SPIN1: variants seen among roughly 807,000 people sequenced by gnomAD.
SPIN1 encodes the protein spindlin 1, also known as spindlin-1.
In SPIN1, 3 loss-of-function variants were observed where a neutral mutation model predicts 26.0. The ratio of observed to expected loss-of-function variants is 0.12; its 90% confidence interval spans 0.05 to 0.30. The LOEUF is 0.30. SPIN1 is among the 10% of genes least tolerant of loss of function. The pLI, the probability that SPIN1 is intolerant of heterozygous loss-of-function variation, is 1.00. For synonymous variants in SPIN1, 101 were observed against 116.5 expected (o/e 0.87, Z 0.86); for missense variants, 126 against 333.4 (o/e 0.38, Z 4.84).
intron 2 of SPIN1, among the ~76,000 whole-genome samples, chr9:88,440,019 A>G (rs991630199): frequency 6.6e-6 from 1 of 152,018 alleles, no homozygotes; most frequent in Non-Finnish European, 1.5e-5. Context: ...TGTTACTATT[A>G]TCTGTTCTTT....
chr9:88,435,498 A>T (rs1587796957), intron 2 of SPIN1, among the ~76,000 whole-genome samples: 1 of 152,030 alleles, frequency 6.6e-6, no homozygotes, highest in Non-Finnish European at 1.5e-5. Flanking sequence ...ATATGTAAAG[A>T]GTTTCTCTCT....
At chr9:88,443,142 A>AC (rs1254599868) in intron 2 of SPIN1, among the ~76,000 whole-genome samples, 6 of 151,918 alleles carry the variant, frequency 3.9e-5, no homozygotes, top group African/African-American at 1.5e-4. Flanking sequence ...AAACAAAAAA[A>AC]AACTCAGTCT....
chr9:88,448,918 C>G, intron 2 of SPIN1, 23 bp from the exon 3 acceptor site: 2 of 1,611,586 alleles, frequency 1.2e-6, no homozygotes. Context: ...TTTTCATTGA[C>G]TATATACTCA....
Position 88,458,016 on chromosome 9 carries a change from T to G in SPIN1, c.102-4480T>G, listed in dbSNP as rs759908516. 7.1e-6 allele frequency: 7 copies of G among 981,450 alleles called. No homozygotes were observed. In the South Asian group the frequency reaches 2.8e-4, roughly 40 times the overall value. The allele number at this position is 981,450 out of a possible 1,614,324, so 60.8% of individuals were successfully genotyped here. On this transcript the variant is annotated intron_variant, in intron 3 of 5. Transcript: ENST00000375859. Reference sequence around the variant, plus strand: ...AGGATTTTTTCTTGTTTGGTTTTAGTGTTGCTTTGGCTGGGGGATGAAAAG... The same window carrying G: ...AGGATTTTTTCTTGTTTGGTTTTAGGGTTGCTTTGGCTGGGGGATGAAAAG...
chr9:88,438,161 AAAAG>A (rs1828045838), intron 2 of SPIN1, among the ~76,000 whole-genome samples: 2 of 152,326 alleles, frequency 1.3e-5, no homozygotes, highest in South Asian at 4.1e-4. Flanking sequence ...AAAAAAAAAA[AAAAG>A]ATTTTTAATT....
At chr9:88,407,092 A>G (rs142202095) in intron 1 of SPIN1, among the ~76,000 whole-genome samples, 1,697 of 150,474 alleles carry the variant, frequency 0.011, 36 homozygotes, top group African/African-American at 0.039. Context: ...CTAGTAGTGA[A>G]TTTCCTATGT....
At chr9:88,411,246 T>C in intron 1 of SPIN1, 1 of 1,144,046 alleles carries the variant, frequency 8.7e-7, no homozygotes, top group Non-Finnish European at 1.3e-6. Context: ...GGCCTTGCAT[T>C]CATGGCTGCA....
At chr9:88,464,742 CT>C (rs148448848) in intron 4 of SPIN1, among the ~76,000 whole-genome samples, 5,928 of 151,496 alleles carry the variant, frequency 0.039, 400 homozygotes, top group African/African-American at 0.13. Flanking sequence ...AGACTAACTA[CT>C]TTTTTTTTAA....
At chr9:88,462,875 T>C in intron 4 of SPIN1, 126 bp downstream of exon 4, 1 of 1,173,712 alleles carries the variant, frequency 8.5e-7, no homozygotes. Flanking sequence ...TGATAAACAT[T>C]ATATTAAATC....
At chr9:88,452,344 T>C (rs1176301848) in intron 3 of SPIN1, among the ~76,000 whole-genome samples, 2 of 152,194 alleles carry the variant, frequency 1.3e-5, no homozygotes, top group East Asian at 1.9e-4. Flanking sequence ...CCAGAGCCCA[T>C]GTTATTAAGT....
chr9:88,464,016 T>G (rs1828615952), intron 4 of SPIN1, among the ~76,000 whole-genome samples: 1 of 152,208 alleles, frequency 6.6e-6, no homozygotes, highest in Non-Finnish European at 1.5e-5. Flanking sequence ...GACCTGTGGT[T>G]GTTGGTCCTT....
At chr9:88,397,803 T>A (rs1429208792) in intron 1 of SPIN1, among the ~76,000 whole-genome samples, 1 of 151,708 alleles carries the variant, frequency 6.6e-6, no homozygotes, top group African/African-American at 2.4e-5. Flanking sequence ...TTTGTATTTT[T>A]AGTAGAGACA....
intron 1 of SPIN1, chr9:88,411,020 A>G (rs1326551481): frequency 1.7e-5 from 27 of 1,580,434 alleles, no homozygotes; most frequent in Non-Finnish European, 2.2e-5. Flanking sequence ...TACAAAGGCA[A>G]AGCCCCTTTT....
At chr9:88,410,868 G>T in intron 1 of SPIN1, 1 of 940,982 alleles carries the variant, frequency 1.1e-6, no homozygotes, top group Non-Finnish European at 1.7e-6. Context: ...CACGTTTCCA[G>T]AATCACTTAG....
At chr9:88,433,110 C>G (rs897155124) in intron 2 of SPIN1, among the ~76,000 whole-genome samples, 7 of 151,578 alleles carry the variant, frequency 4.6e-5, no homozygotes, top group Non-Finnish European at 8.8e-5. Context: ...GATAGGGTCT[C>G]GCCGTGTCAC....
At chr9:88,434,405 A>ATTATAAAATAG (rs1827955930) in intron 2 of SPIN1, among the ~76,000 whole-genome samples, 1 of 130,016 alleles carries the variant, frequency 7.7e-6, no homozygotes, top group Non-Finnish European at 1.6e-5. Context: ...TATTTTATAA[A>ATTATAAAATAG]TTCATTTTAT....
chr9:88,443,584 T>C (rs1828184126), intron 2 of SPIN1, among the ~76,000 whole-genome samples: 1 of 152,242 alleles, frequency 6.6e-6, no homozygotes, highest in Admixed American at 6.5e-5. Context: ...GATGCTTGTT[T>C]TCTCTGTTAA....
At chr9:88,397,912 C>T (rs1827100361) in intron 1 of SPIN1, among the ~76,000 whole-genome samples, 2 of 151,998 alleles carry the variant, frequency 1.3e-5, no homozygotes, top group African/African-American at 4.8e-5. Flanking sequence ...GTGTGAGCCA[C>T]CGTGCCCAGC....
chr9:88,470,740 G>A (rs895654159), intron 5 of SPIN1, among the ~76,000 whole-genome samples: 2 of 151,938 alleles, frequency 1.3e-5, no homozygotes, highest in South Asian at 2.1e-4. Flanking sequence ...GACTATAGGC[G>A]CGTGCCACCA....
Sources: gnomAD v4.1 joint callset for allele counts (sites outside exome capture counted in the v4.1 genomes callset) on GRCh38, gnomAD v4.1.1 for gene constraint, MANE v1.5 for transcripts, NCBI Gene and HGNC (gene_info 2026-07-23, HGNC 2026-07-21) for gene names.